The following ASCC3 variants were observed in gnomAD, a reference collection of about 807,000 sequenced individuals.
ASCC3 encodes the protein activating signal cointegrator 1 complex subunit 3.
ASCC3 carries 158 observed loss-of-function variants against 256.3 expected under a neutral mutation model. The observed-to-expected ratio is 0.62, with a 90% CI of 0.54 to 0.70. ASCC3 has a LOEUF of 0.70. Among genes scored for constraint, ASCC3 ranks in the 30% least tolerant of loss-of-function variants. ASCC3 has a pLI of 0.00. For synonymous variants in ASCC3, 948 were observed against 883.4 expected, an observed-to-expected ratio of 1.07 and a Z score of -1.30; for missense variants, 2,259 against 2,626.0, an observed-to-expected ratio of 0.86 and a Z score of 3.05.
At chr6:100,541,225 A>G (rs142115846) in intron 36 of ASCC3, among the ~76,000 whole-genome samples, 11 of 152,036 alleles carry the variant, frequency 7.2e-5, no homozygotes, top group Non-Finnish European at 1.3e-4. Flanking sequence ...CATTAATTGG[A>G]TATGTTAATA....
At chr6:100,616,535 G>A (rs986106717) in intron 30 of ASCC3, among the ~76,000 whole-genome samples, 4 of 152,110 alleles carry the variant, frequency 2.6e-5, no homozygotes, top group African/African-American at 9.7e-5. Flanking sequence ...GCTGTTCCTT[G>A]TTCCAGGGAA....
intron 17 of ASCC3, among the ~76,000 whole-genome samples, chr6:100,655,490 T>A (rs1319535703): frequency 6.6e-6 from 1 of 151,754 alleles, no homozygotes; most frequent in African/African-American, 2.4e-5. Flanking sequence ...AAGATTAACA[T>A]AAGTATTTGT....
intron 22 of ASCC3, among the ~76,000 whole-genome samples, chr6:100,645,611 C>T (rs1775341292): frequency 6.6e-6 from 1 of 152,094 alleles, no homozygotes; most frequent in Non-Finnish European, 1.5e-5. Context: ...CCCTGATTGG[C>T]TTCTTGAATG....
chr6:100,721,682 T>C (rs749924542), intron 11 of ASCC3, among the ~76,000 whole-genome samples: 15 of 151,784 alleles, frequency 9.9e-5, no homozygotes, highest in Admixed American at 5.3e-4. Context: ...TGTGTGCATA[T>C]ACACATATTT....
chr6:100,568,709 T>C (rs979725288), intron 36 of ASCC3, among the ~76,000 whole-genome samples: 23 of 150,676 alleles, frequency 1.5e-4, no homozygotes, highest in Middle Eastern at 3.5e-3. Flanking sequence ...GTCTCACTTG[T>C]CAATTTGTTT....
At chr6:100,752,151 A>C (rs1351145458) in intron 10 of ASCC3, among the ~76,000 whole-genome samples, 1 of 152,060 alleles carries the variant, frequency 6.6e-6, no homozygotes, top group Non-Finnish European at 1.5e-5. Context: ...TATTACCTGC[A>C]TTATTGCATC....
intron 36 of ASCC3, among the ~76,000 whole-genome samples, chr6:100,545,272 G>A (rs947206940): frequency 3.3e-5 from 5 of 152,124 alleles, no homozygotes; most frequent in African/African-American, 1.2e-4. Flanking sequence ...CTACCTCCCA[G>A]GTTCAAGCGC....
intron 32 of ASCC3, 107 bp from the exon 33 acceptor site, chr6:100,605,807 G>T (rs75066083): frequency 0.018 from 23,384 of 1,266,322 alleles, 265 homozygotes; most frequent in East Asian, 0.025. Context: ...AAAAGAAATA[G>T]AATATTGTGA....
chr6:100,774,006 C>T (rs1441912055), intron 8 of ASCC3, among the ~76,000 whole-genome samples: 1 of 104,302 alleles, frequency 9.6e-6, no homozygotes, highest in Non-Finnish European at 2.0e-5. Context: ...CAAACAAAAC[C>T]TATTACATAT....
intron 13 of ASCC3, among the ~76,000 whole-genome samples, chr6:100,691,854 C>G (rs560645032): frequency 6.6e-6 from 1 of 151,708 alleles, no homozygotes; most frequent in African/African-American, 2.4e-5. Context: ...CAAATCATAG[C>G]TCAGCATTTA....
chr6:100,531,129 G>T, intron 37 of ASCC3: 1 of 903,624 alleles, frequency 1.1e-6, no homozygotes, highest in South Asian at 1.5e-5. Flanking sequence ...CTGCTGGCTG[G>T]ACTGAACTAA....
At chr6:100,873,024 T>A (rs1397903813) in intron 1 of ASCC3, among the ~76,000 whole-genome samples, 2 of 151,796 alleles carry the variant, frequency 1.3e-5, no homozygotes, top group Non-Finnish European at 2.9e-5. Context: ...CAACAATGGA[T>A]CCAAACCAAG....
chr6:100,611,361 A>G (rs1223368095), intron 30 of ASCC3, among the ~76,000 whole-genome samples: 1 of 152,118 alleles, frequency 6.6e-6, no homozygotes, highest in African/African-American at 2.4e-5. Context: ...AGGACGGCCT[A>G]TACAAATTTG....
chr6:100,821,510 T>C (rs1374725586), intron 4 of ASCC3, among the ~76,000 whole-genome samples: 2 of 151,806 alleles, frequency 1.3e-5, no homozygotes, highest in Non-Finnish European at 2.9e-5. Context: ...CAAAATGGAA[T>C]ATTATTCAGC....
intron 10 of ASCC3, among the ~76,000 whole-genome samples, chr6:100,748,234 A>G (rs543274507): frequency 5.9e-4 from 90 of 152,116 alleles, no homozygotes; most frequent in African/African-American, 1.9e-3. Flanking sequence ...TGTAAGAGCC[A>G]GGCCTAGTTT....
intron 36 of ASCC3, among the ~76,000 whole-genome samples, chr6:100,568,775 TTA>T (rs1258942694): frequency 7.1e-6 from 1 of 140,568 alleles, no homozygotes; most frequent in African/African-American, 2.9e-5. Flanking sequence ...ATTATTATTA[TTA>T]TTATTATTAT....
rs1256265973 is a variant in ASCC3 at position 100,606,604 on chromosome 6, T to A, written c.5044+136A>T. ...ATTTTAACTGAAAACAAAAAGTCTA[T>A]AATTGCTTATCATCTGTTTAAATGT... is the stretch of plus-strand genomic sequence containing the variant. On this transcript the variant is annotated intron_variant, in intron 32 of 41. Transcript: ENST00000369162. 2.3e-5 allele frequency: 22 copies of A among 975,702 alleles called. No individual in the cohort carries two copies. In the East Asian group the frequency reaches 5.7e-4, roughly 25 times the overall value. The allele number at this position is 975,702 out of a possible 1,614,324, so 60.4% of individuals were successfully genotyped here. A position where few individuals can be genotyped will look rare whatever the true frequency, so the allele number is the denominator to read the frequency against.
At chr6:100,801,962 C>T (rs1056634811) in intron 5 of ASCC3, among the ~76,000 whole-genome samples, 1 of 147,458 alleles carries the variant, frequency 6.8e-6, no homozygotes, top group African/African-American at 2.5e-5. Context: ...AGGTGACATA[C>T]TAGATGCTAT....
chr6:100,635,911 T>A (rs144375714), intron 25 of ASCC3, among the ~76,000 whole-genome samples: 293 of 152,258 alleles, frequency 1.9e-3, no homozygotes, highest in Non-Finnish European at 3.7e-3. Flanking sequence ...CAGAAAAGAT[T>A]TGATTATGAA....
Sources: allele counts gnomAD v4.1 joint callset (sites outside exome capture counted in the v4.1 genomes callset), GRCh38; gene constraint gnomAD v4.1.1; transcripts MANE v1.5; gene names NCBI Gene and HGNC (gene_info 2026-07-23, HGNC 2026-07-21).